The following ITFG1 variants were observed in gnomAD, a reference collection of about 807,000 sequenced individuals.
ITFG1 encodes integrin alpha FG-GAP repeat containing 1.
In ITFG1, 34 loss-of-function variants were observed where a neutral mutation model predicts 81.8. The ratio of observed to expected loss-of-function variants is 0.42; its 90% CI spans 0.32 to 0.55. ITFG1 has a LOEUF of 0.55. Ranked by LOEUF, ITFG1 falls within the 20% of genes least tolerant of loss-of-function variation. ITFG1 has a pLI of 0.17. For missense variants in ITFG1, 672 were observed against 755.4 expected, an observed-to-expected ratio of 0.89 and a Z score of 1.29; for synonymous variants, 285 against 270.6, an observed-to-expected ratio of 1.05 and a Z score of -0.52.
At chr16:47,199,035 A>G (rs1297431863) in intron 14 of ITFG1, among the ~76,000 whole-genome samples, 7 of 152,198 alleles carry the variant, frequency 4.6e-5, no homozygotes, top group Non-Finnish European at 8.8e-5. Flanking sequence ...GCACTTTGGG[A>G]GGCTGAGACA....
chr16:47,221,631 T>A (rs1332048274), intron 13 of ITFG1, among the ~76,000 whole-genome samples: 1 of 152,218 alleles, frequency 6.6e-6, no homozygotes. Flanking sequence ...TCTTTTTCTA[T>A]TGACTAGAAT....
chr16:47,374,073 C>T (rs1321205456), intron 7 of ITFG1, among the ~76,000 whole-genome samples: 1 of 152,108 alleles, frequency 6.6e-6, no homozygotes, highest in Non-Finnish European at 1.5e-5. Context: ...CTACCCTGCC[C>T]AAGTAATTTC....
chr16:47,180,355 C>G (rs996093712), intron 14 of ITFG1, among the ~76,000 whole-genome samples: 1 of 151,704 alleles, frequency 6.6e-6, no homozygotes, highest in Non-Finnish European at 1.5e-5. Flanking sequence ...TATTATTGCC[C>G]TCTCCCTCTC....
At chr16:47,263,090 G>C (rs1966229880) in intron 10 of ITFG1, 2 of 239,562 alleles carry the variant, frequency 8.3e-6, no homozygotes, top group Non-Finnish European at 1.8e-5. Flanking sequence ...TTGAAATAAG[G>C]AATGCATCCC....
intron 6 of ITFG1, among the ~76,000 whole-genome samples, chr16:47,420,835 T>A (rs1388198456): frequency 2.6e-5 from 4 of 152,154 alleles, no homozygotes; most frequent in Admixed American, 2.0e-4. Flanking sequence ...CCATTACAAA[T>A]TACACAGCTT....
chr16:47,445,551 A>G (rs539599509), intron 5 of ITFG1, among the ~76,000 whole-genome samples: 6 of 152,328 alleles, frequency 3.9e-5, no homozygotes, highest in Admixed American at 3.9e-4. Flanking sequence ...TGTGTTTTCA[A>G]AGATGGTCAC....
At chr16:47,405,173 C>T (rs1310149969) in intron 6 of ITFG1, among the ~76,000 whole-genome samples, 2 of 152,050 alleles carry the variant, frequency 1.3e-5, no homozygotes, top group African/African-American at 4.8e-5. Flanking sequence ...ACAAAAACCT[C>T]GTATATTTTC....
chr16:47,208,778 A>T (rs927604517), intron 14 of ITFG1, among the ~76,000 whole-genome samples: 1 of 152,192 alleles, frequency 6.6e-6, no homozygotes, highest in Non-Finnish European at 1.5e-5. Context: ...GAGATAACCA[A>T]CTTCTCTGTT....
At chr16:47,305,339 C>T (rs1967141128) in intron 10 of ITFG1, among the ~76,000 whole-genome samples, 1 of 152,064 alleles carries the variant, frequency 6.6e-6, no homozygotes, top group South Asian at 2.1e-4. Flanking sequence ...GTCTTGTTCA[C>T]TTCTGTAATC....
At chr16:47,335,820 A>G (rs1321312032) in intron 8 of ITFG1, among the ~76,000 whole-genome samples, 1 of 152,228 alleles carries the variant, frequency 6.6e-6, no homozygotes, top group African/African-American at 2.4e-5. Flanking sequence ...TAAAATGTTA[A>G]GCATACACTT....
intron 13 of ITFG1, among the ~76,000 whole-genome samples, chr16:47,222,430 T>C (rs934757813): frequency 1.3e-5 from 2 of 150,600 alleles, no homozygotes; most frequent in African/African-American, 4.9e-5. Context: ...TTTTTTTTTT[T>C]TGAGACGAAG....
At chr16:47,390,375 A>C (rs1342385244) in intron 6 of ITFG1, among the ~76,000 whole-genome samples, 1 of 152,222 alleles carries the variant, frequency 6.6e-6, no homozygotes, top group Non-Finnish European at 1.5e-5. Context: ...AGGGGAAAAA[A>C]CAGATGAATG....
At chr16:47,370,483 A>C (rs971198140) in intron 7 of ITFG1, among the ~76,000 whole-genome samples, 4 of 152,046 alleles carry the variant, frequency 2.6e-5, no homozygotes, top group Admixed American at 2.6e-4. Context: ...TGCTAAATAA[A>C]ACTCTTCTCC....
chr16:47,409,551 G>C (rs1311356396), intron 6 of ITFG1, among the ~76,000 whole-genome samples: 3 of 147,926 alleles, frequency 2.0e-5, no homozygotes, highest in Non-Finnish European at 3.0e-5. Context: ...GAGTAGCTGG[G>C]ATTACAGGCG....
At chr16:47,254,259 A>G (rs376740326) in intron 12 of ITFG1, among the ~76,000 whole-genome samples, 6 of 152,276 alleles carry the variant, frequency 3.9e-5, no homozygotes, top group African/African-American at 1.4e-4. Flanking sequence ...ATGCCAAGGA[A>G]GAACTTGGGA....
intron 13 of ITFG1, among the ~76,000 whole-genome samples, chr16:47,233,703 A>G (rs574580742): frequency 1.3e-5 from 2 of 152,276 alleles, no homozygotes; most frequent in South Asian, 2.1e-4. Context: ...TCATCCTCCT[A>G]TCTCACCTAA....
chr16:47,382,229 G>C (rs1303920127), intron 6 of ITFG1, among the ~76,000 whole-genome samples: 1 of 152,088 alleles, frequency 6.6e-6, no homozygotes, highest in Non-Finnish European at 1.5e-5. Context: ...AGAGATGATT[G>C]CATTAGTTAT....
intron 7 of ITFG1, among the ~76,000 whole-genome samples, chr16:47,374,419 A>C (rs1968297896): frequency 6.6e-6 from 1 of 152,166 alleles, no homozygotes; most frequent in Admixed American, 6.5e-5. Context: ...CATTCCATTA[A>C]GTTTAAATCA....
chr16:47,306,385 A>G (rs959180057), intron 10 of ITFG1, among the ~76,000 whole-genome samples: 8 of 152,168 alleles, frequency 5.3e-5, no homozygotes, highest in Non-Finnish European at 1.0e-4. Context: ...TATTAAAAGC[A>G]TAAAAAATGA....
Sources: gnomAD v4.1 joint callset for allele counts (sites outside exome capture counted in the v4.1 genomes callset) on GRCh38, gnomAD v4.1.1 for gene constraint, MANE v1.5 for transcripts, NCBI Gene and HGNC (gene_info 2026-07-23, HGNC 2026-07-21) for gene names.